Variants in PRDM2 observed in about 807,000 individuals in gnomAD.
PRDM2 encodes the protein PR/SET domain 2.
Under a neutral mutation model 130.0 loss-of-function variants are expected in PRDM2, and 30 were observed. That is an observed-to-expected ratio of 0.23 (90% CI 0.17 to 0.31). The LOEUF (loss-of-function observed/expected upper bound fraction) is 0.31. PRDM2 is among the 10% of genes least tolerant of loss of function. The pLI, the probability that PRDM2 is intolerant of heterozygous loss-of-function variation, is 1.00. For missense variants in PRDM2, 2,011 were observed against 2,108.4 expected, an observed-to-expected ratio of 0.95 and a Z score of 0.90; for synonymous variants, 871 against 782.4, an observed-to-expected ratio of 1.11 and a Z score of -1.89.
intron 8 of PRDM2, among the ~76,000 whole-genome samples, chr1:13,798,868 ATCT>A (rs1406969140): frequency 1.2e-4 from 18 of 152,180 alleles, no homozygotes; most frequent in Non-Finnish European, 1.9e-4. Flanking sequence ...ATAATGAATC[ATCT>A]TCTTAGGGTT....
intron 6 of PRDM2, among the ~76,000 whole-genome samples, chr1:13,756,201 TGTA>T (rs1643947785): frequency 6.7e-6 from 1 of 149,684 alleles, no homozygotes; most frequent in African/African-American, 2.5e-5. Flanking sequence ...AGGCAGAGCT[TGTA>T]GTGAGCCGAG....
intron 6 of PRDM2, among the ~76,000 whole-genome samples, chr1:13,765,058 G>A (rs1480560017): frequency 6.6e-6 from 1 of 152,188 alleles, no homozygotes; most frequent in Non-Finnish European, 1.5e-5. Flanking sequence ...GATCTATGGG[G>A]CTTGCTTTGC....
At chr1:13,717,832 G>T (rs915102614) in intron 2 of PRDM2, among the ~76,000 whole-genome samples, 6 of 151,922 alleles carry the variant, frequency 3.9e-5, no homozygotes, top group Non-Finnish European at 7.4e-5. Context: ...TTCTGATTTG[G>T]GTGTAATTTA....
chr1:13,822,702 C>G (rs2744683), intron 9 of PRDM2, among the ~76,000 whole-genome samples: 114,939 of 151,976 alleles, frequency 0.76, 43,634 homozygotes, highest in Middle Eastern at 0.83. Context: ...GAGGTGGTGT[C>G]TTTCTATAAT....
At chr1:13,713,106 C>T (rs1223825854) in intron 1 of PRDM2, among the ~76,000 whole-genome samples, 2 of 152,204 alleles carry the variant, frequency 1.3e-5, no homozygotes. Flanking sequence ...CTTCTCAATC[C>T]TTCTCTGACC....
chr1:13,745,907 G>C (rs1459770510), intron 5 of PRDM2, among the ~76,000 whole-genome samples: 4 of 152,118 alleles, frequency 2.6e-5, no homozygotes, highest in African/African-American at 7.2e-5. Flanking sequence ...AAAAGACCGT[G>C]CTGGGGACTG....
At chr1:13,757,380 AG>A (rs1474502953) in intron 6 of PRDM2, among the ~76,000 whole-genome samples, 3 of 152,362 alleles carry the variant, frequency 2.0e-5, no homozygotes, top group African/African-American at 7.2e-5. Flanking sequence ...TGAAACCAAA[AG>A]AGCACAGTAA....
chr1:13,756,553 C>G (rs889068553), intron 6 of PRDM2, among the ~76,000 whole-genome samples: 25 of 152,260 alleles, frequency 1.6e-4, no homozygotes, highest in African/African-American at 5.5e-4. Flanking sequence ...CATGGAGAAA[C>G]AAAAGTTACT....
chr1:13,702,996 G>A (rs530053198), intron 1 of PRDM2, among the ~76,000 whole-genome samples: 7 of 152,282 alleles, frequency 4.6e-5, no homozygotes, highest in African/African-American at 7.2e-5. Flanking sequence ...CCTGTGTCTA[G>A]GGCTTCACGC....
intron 8 of PRDM2, among the ~76,000 whole-genome samples, chr1:13,805,564 A>G (rs186830557): frequency 6.6e-6 from 1 of 152,258 alleles, no homozygotes; most frequent in African/African-American, 2.4e-5. Flanking sequence ...CCCAGCCCCC[A>G]GGGAATATCA....
chr1:13,779,347 A>G lies in PRDM2; in HGVS notation c.1552A>G (p.Lys518Glu), dbSNP rs1644553875. 6.2e-7 allele frequency: 1 copy of G among 1,614,206 alleles called. No homozygotes were observed. Among genetic ancestry groups the G allele is most frequent in the Non-Finnish European group, 8.5e-7 (1 of 1,180,036 alleles). ...TCTGATTCCCAAAGGTGTACGGCGAAAAGGAGGCCTTGAAGAGCCCCAGCC... is the reference window on the plus strand; with the variant it reads ...TCTGATTCCCAAAGGTGTACGGCGAGAAGGAGGCCTTGAAGAGCCCCAGCC... ...RHLIPKGVRRKGGLEEPQPPA... is the reference protein window; with the variant it reads ...RHLIPKGVRREGGLEEPQPPA... The change falls in exon 8 of 10, where the codon AAA becomes GAA. Residue 518 changes from lysine (K) to glutamate (E), a missense_variant. Physicochemically the swap from Lys to Glu is moderately conservative, Grantham distance 56. This residue lies in a region of PRDM2 where 1,288 missense variants were observed against 1,237.7 expected (regional missense o/e 1.04). Coordinates refer to ENST00000311066, the MANE Select transcript of PRDM2 (RefSeq NM_001393986.1). The surrounding 1 kb of genome is among the most constrained non-coding windows in gnomAD (Gnocchi z 4.9).
At chr1:13,704,066 G>C (rs1430113015) in intron 1 of PRDM2, among the ~76,000 whole-genome samples, 1 of 152,202 alleles carries the variant, frequency 6.6e-6, no homozygotes, top group Non-Finnish European at 1.5e-5. Flanking sequence ...ATCTTTCTAA[G>C]TGTAGATAGT....
intron 8 of PRDM2, among the ~76,000 whole-genome samples, chr1:13,797,766 A>G (rs1163661973): frequency 1.3e-5 from 2 of 152,050 alleles, no homozygotes; most frequent in Non-Finnish European, 2.9e-5. Context: ...GACCTACTAA[A>G]CCATAATCTC....
intron 8 of PRDM2, among the ~76,000 whole-genome samples, chr1:13,791,999 G>GA (rs1348364018): frequency 6.6e-6 from 1 of 152,154 alleles, no homozygotes; most frequent in Non-Finnish European, 1.5e-5. Context: ...GAAGTCAACA[G>GA]AACAAGCCAT....
At chr1:13,764,343 TAA>T (rs1331448741) in intron 6 of PRDM2, among the ~76,000 whole-genome samples, 3 of 152,152 alleles carry the variant, frequency 2.0e-5, no homozygotes, top group African/African-American at 7.2e-5. Context: ...TTCAGGCTAC[TAA>T]AAAAACGTGA....
chr1:13,769,745 C>G (rs1351111751), intron 6 of PRDM2, among the ~76,000 whole-genome samples: 1 of 152,174 alleles, frequency 6.6e-6, no homozygotes, highest in African/African-American at 2.4e-5. Flanking sequence ...AGTTCTTCAT[C>G]TCTCCATTTT....
intron 8 of PRDM2, among the ~76,000 whole-genome samples, chr1:13,807,812 G>A (rs1040646493): frequency 6.6e-6 from 1 of 152,178 alleles, no homozygotes; most frequent in Non-Finnish European, 1.5e-5. Flanking sequence ...AGACTAGCAA[G>A]GAATTCTGAC....
chr1:13,711,244 G>A (rs1222176782), intron 1 of PRDM2, among the ~76,000 whole-genome samples: 2 of 152,198 alleles, frequency 1.3e-5, no homozygotes, highest in African/African-American at 4.8e-5. Context: ...AAATGGGTGT[G>A]TAAAGACAGG....
intron 1 of PRDM2, among the ~76,000 whole-genome samples, chr1:13,708,348 C>T (rs1254342920): frequency 2.0e-5 from 3 of 152,182 alleles, no homozygotes; most frequent in Admixed American, 1.3e-4. Flanking sequence ...CCATTGGAGC[C>T]GGAGGGCTGT....
Sources: gnomAD v4.1 joint callset for allele counts (sites outside exome capture counted in the v4.1 genomes callset) on GRCh38, gnomAD v4.1.1 for gene constraint, gnomAD v4.1.1 regional missense constraint, Gnocchi (gnomAD v3.1) non-coding constraint, MANE v1.5 for transcripts, NCBI Gene and HGNC (gene_info 2026-07-23, HGNC 2026-07-21) for gene names.